Variants in ARMH4 observed in about 807,000 individuals in gnomAD.
The protein encoded by ARMH4 is armadillo like helical domain containing 4.
In ARMH4, 49 loss-of-function variants were observed where a neutral mutation model predicts 61.9. The ratio of observed to expected loss-of-function variants is 0.79; its 90% confidence interval spans 0.63 to 1.00. The LOEUF is 1.00. ARMH4 is among the 50% of genes least tolerant of loss of function. ARMH4 has a pLI of 0.00. For missense variants in ARMH4, 934 were observed against 930.0 expected, an observed-to-expected ratio of 1.00 and a Z score of -0.06; for synonymous variants, 368 against 341.5, an observed-to-expected ratio of 1.08 and a Z score of -0.85.
chr14:58,117,867 T>G (rs932195584), intron 4 of ARMH4, among the ~76,000 whole-genome samples: 3 of 151,590 alleles, frequency 2.0e-5, no homozygotes, highest in African/African-American at 7.3e-5. Flanking sequence ...CAAGCAATCC[T>G]CCTGCCTCAG....
In ARMH4 at chr14:58,003,760, T is replaced by A. The variant is rs936949377; in HGVS notation, c.*976A>T. On this transcript the variant is annotated 3_prime_UTR_variant, in exon 8 of 8. Transcript: ENST00000267485. ...AACGATAGAATGTCTATTTTTCTAA[T>A]AAAGCCATATAAGGACCAATGGTAG... The A allele has an allele frequency of 7.2e-5, 11 of 152,190 alleles. No homozygotes were observed. The highest frequency in any genetic ancestry group is 2.7e-4 in the African/African-American group (11 of 41,434). 9.4% of individuals were successfully genotyped at this position (152,190 alleles called of 1,614,324 possible). A position where few individuals can be genotyped will look rare whatever the true frequency, so the allele number is the denominator to read the frequency against.
intron 1 of ARMH4, among the ~76,000 whole-genome samples, chr14:58,141,072 T>C (rs1887532407): frequency 1.3e-5 from 2 of 152,112 alleles, no homozygotes; most frequent in Admixed American, 6.5e-5. Context: ...AATAAACTTC[T>C]GTTGTTTATA....
chr14:58,093,574 A>G (rs1359500235), intron 5 of ARMH4, among the ~76,000 whole-genome samples: 1 of 152,202 alleles, frequency 6.6e-6, no homozygotes, highest in Non-Finnish European at 1.5e-5. Flanking sequence ...ATGTTAGGAC[A>G]TAGACATCTT....
intron 5 of ARMH4, among the ~76,000 whole-genome samples, chr14:58,036,825 C>T (rs1883502128): frequency 7.9e-6 from 1 of 126,800 alleles, no homozygotes; most frequent in African/African-American, 2.9e-5. Context: ...AATAAAATAC[C>T]TAGGAATCCA....
At chr14:58,108,467 C>G (rs1886240992) in intron 4 of ARMH4, among the ~76,000 whole-genome samples, 1 of 152,124 alleles carries the variant, frequency 6.6e-6, no homozygotes, top group Non-Finnish European at 1.5e-5. Flanking sequence ...ATCCTTCTTC[C>G]CCTTAAAGCC....
At chr14:58,129,652 TA>T (rs1443255308) in intron 4 of ARMH4, among the ~76,000 whole-genome samples, 1 of 152,214 alleles carries the variant, frequency 6.6e-6, no homozygotes, top group Non-Finnish European at 1.5e-5. Flanking sequence ...TCCAGGAGTC[TA>T]GTAGGTTGAT....
At chr14:58,102,347 G>T (rs1031173674) in intron 4 of ARMH4, among the ~76,000 whole-genome samples, 1 of 152,172 alleles carries the variant, frequency 6.6e-6, no homozygotes, top group African/African-American at 2.4e-5. Flanking sequence ...AGACAGCAGA[G>T]GGTGGAACGG....
chr14:58,117,423 T>C (rs748995730), intron 4 of ARMH4, among the ~76,000 whole-genome samples: 9 of 152,324 alleles, frequency 5.9e-5, no homozygotes, highest in Non-Finnish European at 1.3e-4. Context: ...TGCAAAAATA[T>C]GTATGAAAGT....
At chr14:58,141,769 A>G in intron 1 of ARMH4, 1 of 179,258 alleles carries the variant, frequency 5.6e-6, no homozygotes, top group Non-Finnish European at 1.2e-5. Context: ...AAAAAAGAAA[A>G]GAAAATATGT....
chr14:58,101,984 T>C (rs1885997644), intron 4 of ARMH4, among the ~76,000 whole-genome samples: 1 of 152,162 alleles, frequency 6.6e-6, no homozygotes, highest in Non-Finnish European at 1.5e-5. Flanking sequence ...TTGTGATAAA[T>C]GCTGAGAATA....
intron 5 of ARMH4, among the ~76,000 whole-genome samples, chr14:58,015,506 A>C (rs1882578675): frequency 6.6e-6 from 1 of 152,196 alleles, no homozygotes; most frequent in Admixed American, 6.5e-5. Flanking sequence ...TCCTCTGCAT[A>C]GTATTGAACA....
intron 5 of ARMH4, among the ~76,000 whole-genome samples, chr14:58,052,157 T>C (rs1884165839): frequency 1.3e-5 from 2 of 152,068 alleles, no homozygotes; most frequent in South Asian, 4.1e-4. Flanking sequence ...TTAAACTTTT[T>C]CATCTTCCCA....
rs371121811 is a variant in ARMH4, at chr14:58,150,860, T to G, written c.-57+1215A>C. 2.6e-5 allele frequency among the ~76,000 whole-genome samples: 4 copies of G among 152,334 alleles called. 1 individual carries two copies. The highest frequency in any genetic ancestry group is 6.5e-5 in the Admixed American group (1 of 15,308). ...AACCTTAGCCGGTTGTGTGTTTCAA[T>G]AGATGCTACTGTGGGGTTCTACTGG... On this transcript the variant is annotated intron_variant, in intron 1 of 7. Transcript: ENST00000267485.
Position 58,056,105 on chromosome 14 carries a change from C to G in ARMH4, c.2089+40619G>C, listed in dbSNP as rs116797943. ...AGACGGAAACTTTTATCCAGAAGTT[C>G]AACTTGGTGATAATTTTTTAGAGGG... On this transcript the variant is annotated intron_variant, in intron 5 of 7. Transcript: ENST00000267485. 3.9e-3 allele frequency among the ~76,000 whole-genome samples: 589 copies of G among 152,276 alleles called. 1 individual carries two copies. The highest frequency in any genetic ancestry group is 0.013 in the African/African-American group (546 of 41,564).
Position 58,001,514 on chromosome 14 carries a change from C to G in ARMH4, c.*3222G>C, listed in dbSNP as rs1215480933. On this transcript the variant is annotated 3_prime_UTR_variant, in exon 8 of 8. Coordinates refer to ENST00000267485, the MANE Select transcript of ARMH4 (RefSeq NM_001001872.4). ...CCACAGTGGCTATCCATTTTACATT[C>G]CCACCCACAGTATACAAGGATTCCA... is the stretch of plus-strand genomic sequence containing the variant. The G allele has an allele frequency of 6.6e-6, 1 of 152,096 alleles. No homozygotes were observed. Among genetic ancestry groups the G allele is most frequent in the Non-Finnish European group, 1.5e-5 (1 of 68,004 alleles). 9.4% of individuals were successfully genotyped at this position (152,096 alleles called of 1,614,324 possible). A position where few individuals can be genotyped will look rare whatever the true frequency, so the allele number is the denominator to read the frequency against.
chr14:58,102,631 G>A (rs1187605133), intron 4 of ARMH4, among the ~76,000 whole-genome samples: 1 of 150,128 alleles, frequency 6.7e-6, no homozygotes, highest in East Asian at 2.0e-4. Flanking sequence ...CTAACAAGGT[G>A]AAACCCCGTC....
rs774817631 is a variant in ARMH4 at position 58,131,618 on chromosome 14, A to T, written c.1725T>A (p.Pro575=). The T allele has an allele frequency of 1.9e-6, 3 of 1,614,046 alleles. No homozygotes were observed. In the African/African-American group the frequency reaches 4.0e-5, roughly 22 times the overall value. Reference sequence around the variant, plus strand: ...AGGATGCCTCCAAAGCAGGAAGTGCAGGGGAAATGCTGGGTTCCCCCACCA... The same window carrying T: ...AGGATGCCTCCAAAGCAGGAAGTGCTGGGGAAATGCTGGGTTCCCCCACCA... ...GIMVGEPSIS[P]ALPALEASSE... Residue 575 remains proline, a synonymous_variant, in exon 4 of 8, where the codon CCT becomes CCA. Coordinates refer to ENST00000267485, the MANE Select transcript of ARMH4 (RefSeq NM_001001872.4).
chr14:58,096,625 A>G (rs1179443324), intron 5 of ARMH4, 99 bp downstream of exon 5: 16 of 1,378,546 alleles, frequency 1.2e-5, no homozygotes, highest in Non-Finnish European at 1.5e-5. Context: ...AAGAAAATCC[A>G]TTTTTCTTTA....
chr14:58,123,892 A>G (rs1188187582), intron 4 of ARMH4, among the ~76,000 whole-genome samples: 1 of 152,188 alleles, frequency 6.6e-6, no homozygotes, highest in Non-Finnish European at 1.5e-5. Flanking sequence ...CAAGCCACCC[A>G]AGCGCTCTTA....
Sources: allele counts gnomAD v4.1 joint callset (sites outside exome capture counted in the v4.1 genomes callset), GRCh38; gene constraint gnomAD v4.1.1; transcripts MANE v1.5; gene names NCBI Gene and HGNC (gene_info 2026-07-23, HGNC 2026-07-21).